IGDCC3: variants seen among roughly 807,000 people sequenced by gnomAD.
The protein encoded by IGDCC3 is putative neuronal cell adhesion molecule.
In IGDCC3, 47 loss-of-function variants were observed where a neutral mutation model predicts 72.0. That is an observed-to-expected ratio of 0.65 (90% CI 0.52 to 0.83). IGDCC3 has a LOEUF of 0.83. Among genes scored for constraint, IGDCC3 ranks in the 40% least tolerant of loss-of-function variants. IGDCC3 has a pLI of 0.00. For missense variants in IGDCC3, 1,038 were observed against 1,091.3 expected, an observed-to-expected ratio of 0.95 and a Z score of 0.69; for synonymous variants, 477 against 472.8, an observed-to-expected ratio of 1.01 and a Z score of -0.11.
rs574851899 is a variant in IGDCC3, at chr15:65,339,047, C to G, written c.410-3091G>C. Among the ~76,000 whole-genome samples, 1 of 151,974 alleles carries G rather than the reference C, an allele frequency of 6.6e-6. No homozygotes were observed. Among genetic ancestry groups the G allele is most frequent in the Admixed American group, 6.6e-5 (1 of 15,258 alleles). ...CCTCCTGAGGAGCTGGGACCACAAGCGCGCACCACCACGCCCAGCTAATTT... is the reference window on the plus strand; with the variant it reads ...CCTCCTGAGGAGCTGGGACCACAAGGGCGCACCACCACGCCCAGCTAATTT... On this transcript the variant is annotated intron_variant, in intron 2 of 13. Transcript: ENST00000327987. The surrounding 1 kb of genome is among the most constrained non-coding windows in gnomAD (Gnocchi z 4.1).
Position 65,377,604 on chromosome 15 carries a change from C to A in IGDCC3, c.103+82G>T. ...AGGTCCGCGCCGCTCTCCCCGGGTC[C>A]GCCCCTCGCGCCCGCTCCCTCCCTG... is the stretch of plus-strand genomic sequence containing the variant. On this transcript the variant is annotated intron_variant, in intron 1 of 13. Transcript: ENST00000327987. The surrounding 1 kb of genome is among the most constrained non-coding windows in gnomAD (Gnocchi z 4.9). 15 of 1,285,348 alleles carry A rather than the reference C, an allele frequency of 1.2e-5. No individual in the cohort carries two copies. The highest frequency in any genetic ancestry group is 1.5e-5 in the Non-Finnish European group (15 of 1,008,854). The allele number at this position is 1,285,348 out of a possible 1,614,324, so 79.6% of individuals were successfully genotyped here.
intron 2 of IGDCC3, among the ~76,000 whole-genome samples, chr15:65,345,677 C>T (rs1012951925): frequency 1.3e-5 from 2 of 152,180 alleles, no homozygotes; most frequent in East Asian, 1.9e-4. Flanking sequence ...GATGAAAGCA[C>T]CAGAGCCAGG....
At chr15:65,332,327 G>A (rs1304165849) in intron 6 of IGDCC3, among the ~76,000 whole-genome samples, 1 of 152,202 alleles carries the variant, frequency 6.6e-6, no homozygotes, top group East Asian at 1.9e-4. Context: ...AGGCAGACCT[G>A]AGAGGACTCC....
Position 65,329,320 on chromosome 15 carries a change from G to T in IGDCC3, c.2205+70C>A. 6.7e-7 allele frequency: 1 copy of T among 1,497,826 alleles called. No homozygotes were observed. The highest frequency in any genetic ancestry group is 9.0e-7 in the Non-Finnish European group (1 of 1,106,688). The allele number at this position is 1,497,826 out of a possible 1,614,324, so 92.8% of individuals were successfully genotyped here. A position where few individuals can be genotyped will look rare whatever the true frequency, so the allele number is the denominator to read the frequency against. ...GATCGAGGCCCGTGGCCAAGGTGAA[G>T]GGGGGCAGGATTGGAAGGTGGCAGT... On this transcript the variant is annotated intron_variant, in intron 13 of 13. Coordinates refer to ENST00000327987, the MANE Select transcript of IGDCC3 (RefSeq NM_004884.4). This position sits in a 1 kb window ranked among gnomAD's most constrained non-coding sequence, Gnocchi z 4.1.
rs1457743724 is a variant in IGDCC3 at position 65,329,556 on chromosome 15, G to A, written c.2039C>T (p.Pro680Leu). 1 of 1,611,740 alleles carries A rather than the reference G, an allele frequency of 6.2e-7. No individual in the cohort carries two copies. Among genetic ancestry groups the A allele is most frequent in the Non-Finnish European group, 8.5e-7 (1 of 1,179,400 alleles). ...CKDVENQLSP[P>L]QGPRSQRDPG... ...GTCCCTCTGGCTCCGGGGACCCTGTGGAGGGGACAGCTGGTTTTCCACATC... is the reference window on the plus strand; with the variant it reads ...GTCCCTCTGGCTCCGGGGACCCTGTAGAGGGGACAGCTGGTTTTCCACATC... The change falls in exon 13 of 14, where the codon CCA becomes CTA. Residue 680 changes from proline (P) to leucine (L), a missense_variant. Pro to Leu is a moderately conservative substitution (Grantham distance 98). Coordinates refer to ENST00000327987, the MANE Select transcript of IGDCC3 (RefSeq NM_004884.4). This position sits in a 1 kb window ranked among gnomAD's most constrained non-coding sequence, Gnocchi z 4.1.
rs765853242 is a variant in IGDCC3 at position 65,329,419 on chromosome 15, C to T, written c.2176G>A (p.Ala726Thr). ...GGTCTGGGGTCCGGCTGCCCTGCTG[C>T]GCTGGCCGGGGGGAACAGCTGCTCC... ...ELEQLFPPASAAGQPDPRPTQ... is the reference protein window; with the variant it reads ...ELEQLFPPASTAGQPDPRPTQ... The change falls in exon 13 of 14, where the codon GCA becomes ACA. Residue 726 changes from alanine to threonine, a missense_variant. By Grantham distance (58) the Ala-to-Thr change is moderately conservative. Transcript: ENST00000327987. This position sits in a 1 kb window ranked among gnomAD's most constrained non-coding sequence, Gnocchi z 4.1. The T allele has an allele frequency of 3.3e-5, 52 of 1,599,126 alleles. No homozygotes were observed. The highest frequency in any genetic ancestry group is 1.8e-4 in the Middle Eastern group (1 of 5,486).
chr15:65,342,259 G>T (rs2091088318), intron 2 of IGDCC3, among the ~76,000 whole-genome samples: 1 of 151,978 alleles, frequency 6.6e-6, no homozygotes, highest in Admixed American at 6.5e-5. Context: ...GGTGGCACAT[G>T]CCTGTAATCC....
intron 2 of IGDCC3, among the ~76,000 whole-genome samples, chr15:65,364,183 T>G (rs2091276521): frequency 6.6e-6 from 1 of 152,216 alleles, no homozygotes; most frequent in Admixed American, 6.5e-5. Flanking sequence ...TGTGAGCCCC[T>G]GCTAGAGACA....
At chr15:65,369,822 C>CT (rs1316814822) in intron 2 of IGDCC3, among the ~76,000 whole-genome samples, 3 of 152,098 alleles carry the variant, frequency 2.0e-5, no homozygotes, top group African/African-American at 7.2e-5. Context: ...AAATACCAGG[C>CT]TGTACTCCCC....
chr15:65,361,999 C>G (rs1193332074), intron 2 of IGDCC3, among the ~76,000 whole-genome samples: 1 of 151,916 alleles, frequency 6.6e-6, no homozygotes, highest in East Asian at 1.9e-4. Flanking sequence ...CGTGCGCGGG[C>G]AGGAGCCAGG....
intron 2 of IGDCC3, among the ~76,000 whole-genome samples, chr15:65,340,767 C>T (rs1345590328): frequency 6.6e-6 from 1 of 152,192 alleles, no homozygotes; most frequent in Admixed American, 6.5e-5. Context: ...CTCACTCTAT[C>T]ACCTAGGCTG....
intron 2 of IGDCC3, chr15:65,373,811 G>A (rs1450915319): frequency 6.6e-6 from 1 of 152,622 alleles, no homozygotes; most frequent in African/African-American, 2.4e-5. Context: ...CACTTGGACA[G>A]GGTGCCCAGC....
intron 2 of IGDCC3, among the ~76,000 whole-genome samples, chr15:65,338,067 C>T (rs1266829990): frequency 6.6e-6 from 1 of 152,196 alleles, no homozygotes; most frequent in Non-Finnish European, 1.5e-5. Flanking sequence ...CTGCCTGACT[C>T]CCTCCTCCTC....
intron 2 of IGDCC3, among the ~76,000 whole-genome samples, chr15:65,370,620 G>GTATATATATATATA (rs71136346): frequency 2.7e-3 from 258 of 94,514 alleles, no homozygotes; most frequent in East Asian, 0.012. Flanking sequence ...ATATGTATGT[G>GTATATATATATATA]TATATATATA....
intron 2 of IGDCC3, among the ~76,000 whole-genome samples, chr15:65,367,638 ACT>A (rs2091296141): frequency 6.6e-6 from 1 of 151,610 alleles, no homozygotes; most frequent in South Asian, 2.1e-4. Context: ...CCCGCTGGCC[ACT>A]CTCCACCCAG....
At chr15:65,376,102 C>T (rs1467493954) in intron 1 of IGDCC3, among the ~76,000 whole-genome samples, 1 of 152,214 alleles carries the variant, frequency 6.6e-6, no homozygotes, top group Non-Finnish European at 1.5e-5. Flanking sequence ...CCCATTGCCC[C>T]TCTCCTCTGG....
At chr15:65,341,930 C>G (rs946633008) in intron 2 of IGDCC3, among the ~76,000 whole-genome samples, 4 of 152,158 alleles carry the variant, frequency 2.6e-5, no homozygotes, top group Non-Finnish European at 5.9e-5. Context: ...CCTGCCACCA[C>G]GCTTGGATAA....
At position 65,377,887 on chromosome 15, in the gene IGDCC3, C is replaced by T. The variant is rs2091370061; in HGVS notation, c.-99G>A. ...CGGCGCCGGGGCCGGGGCTGGGGCT[C>T]CGGCCGGGGCCGAGCCCAGGCGGTG... On this transcript the variant is annotated 5_prime_UTR_variant, in exon 1 of 14. Transcript: ENST00000327987. This position sits in a 1 kb window ranked among gnomAD's most constrained non-coding sequence, Gnocchi z 4.9. 2.0e-6 allele frequency: 2 copies of T among 1,012,064 alleles called. No homozygotes were observed. The highest frequency in any genetic ancestry group is 4.5e-5 in the South Asian group (1 of 21,994). The allele number at this position is 1,012,064 out of a possible 1,614,324, so 62.7% of individuals were successfully genotyped here.
At chr15:65,363,353 AC>A (rs2091272618) in intron 2 of IGDCC3, among the ~76,000 whole-genome samples, 3 of 152,182 alleles carry the variant, frequency 2.0e-5, no homozygotes, top group Admixed American at 2.0e-4. Flanking sequence ...CAGAACCCTC[AC>A]CAGAAGTCAG....
Sources: allele counts gnomAD v4.1 joint callset (sites outside exome capture counted in the v4.1 genomes callset), GRCh38; gene constraint gnomAD v4.1.1; non-coding constraint Gnocchi (gnomAD v3.1); transcripts MANE v1.5; gene names NCBI Gene and HGNC (gene_info 2026-07-23, HGNC 2026-07-21).